Variants in EDARADD observed in about 807,000 individuals in gnomAD.
EDARADD encodes ectodysplasin-A receptor-associated adapter protein.
A neutral mutation model predicts 25.6 loss-of-function variants in EDARADD; 20 were observed. That is an observed-to-expected ratio of 0.78 (90% CI 0.55 to 1.14). The LOEUF (loss-of-function observed/expected upper bound fraction) is 1.14. Among genes scored for constraint, EDARADD ranks in the 50% most tolerant of loss-of-function variants. The pLI is 0.00. For synonymous variants in EDARADD, 86 were observed against 94.4 expected (o/e 0.91, Z 0.52); for missense variants, 225 against 270.1 (o/e 0.83, Z 1.17).
intron 1 of EDARADD, among the ~76,000 whole-genome samples, chr1:236,402,281 A>C (rs1165600963): frequency 6.6e-6 from 1 of 152,098 alleles, no homozygotes; most frequent in Non-Finnish European, 1.5e-5. Flanking sequence ...TTTAAATTTT[A>C]TTTTATTGGC....
intron 5 of EDARADD, among the ~76,000 whole-genome samples, chr1:236,474,963 T>C (rs1363587396): frequency 6.6e-6 from 1 of 152,084 alleles, no homozygotes; most frequent in East Asian, 1.9e-4. Flanking sequence ...TGAAACCTCG[T>C]CTCTATTAAA....
At chr1:236,376,380 C>A (rs1667226189) in intron 3 of EDARADD, among the ~76,000 whole-genome samples, 1 of 152,154 alleles carries the variant, frequency 6.6e-6, no homozygotes, top group Admixed American at 6.5e-5. Context: ...TTTTGTTTAT[C>A]CGAGAAGCTT....
At chr1:236,389,435 AT>A (rs1667394966), upstream of EDARADD, among the ~76,000 whole-genome samples, 1 of 152,152 alleles carries the variant, frequency 6.6e-6, no homozygotes, top group South Asian at 2.1e-4. Context: ...TGAGTAAACA[AT>A]TCAAAGTAAA....
Position 236,430,944 on chromosome 1 carries a change from C to A in EDARADD, c.219+3494C>A, listed in dbSNP as rs190069485. Among the ~76,000 whole-genome samples the A allele has an allele frequency of 7.6e-3, 1,162 of 152,168 alleles. 13 individuals are homozygous for A. The highest frequency in any genetic ancestry group is 0.027 in the African/African-American group (1,106 of 41,498). On this transcript the variant is annotated intron_variant, in intron 4 of 5. Coordinates refer to ENST00000334232, the MANE Select transcript of EDARADD (RefSeq NM_145861.4). The stretch of plus-strand genomic sequence containing the variant: ...CAGCCTGGCCAAGATGGTGAAACCC[C>A]GTCTCTACTAAAACTACAATAATTA...
chr1:236,377,306 C>A (rs1572115481), intron 3 of EDARADD, among the ~76,000 whole-genome samples: 1 of 150,360 alleles, frequency 6.7e-6, no homozygotes, highest in African/African-American at 2.4e-5. Flanking sequence ...CAGGGGCATG[C>A]CACCACACCC....
intron 1 of EDARADD, among the ~76,000 whole-genome samples, chr1:236,397,725 G>C (rs540034355): frequency 2.6e-5 from 4 of 152,288 alleles, no homozygotes; most frequent in African/African-American, 9.6e-5. Context: ...CTCCCCACCA[G>C]TTGGCAGAGG....
chr1:236,375,052 A>C (rs1026496027), intron 3 of EDARADD, among the ~76,000 whole-genome samples: 6 of 151,442 alleles, frequency 4.0e-5, no homozygotes, highest in Non-Finnish European at 8.8e-5. Context: ...CTTCTTTCTT[A>C]GTATATCTGT....
chr1:236,432,627 G>A (rs1030651471), intron 4 of EDARADD, among the ~76,000 whole-genome samples: 1 of 152,144 alleles, frequency 6.6e-6, no homozygotes, highest in Non-Finnish European at 1.5e-5. Context: ...GCTCATGCCT[G>A]TAATCCCAGC....
intron 4 of EDARADD, among the ~76,000 whole-genome samples, chr1:236,461,878 G>A (rs890728202): frequency 2.6e-5 from 4 of 152,284 alleles, no homozygotes; most frequent in East Asian, 1.9e-4. Flanking sequence ...CAAACTAAAC[G>A]TCCTGAAGAG....
At chr1:236,401,058 C>T (rs1296466490) in intron 1 of EDARADD, among the ~76,000 whole-genome samples, 1 of 151,898 alleles carries the variant, frequency 6.6e-6, no homozygotes, top group African/African-American at 2.4e-5. Flanking sequence ...ATTAGCTGGG[C>T]ACCTGTGATC....
intron 3 of EDARADD, among the ~76,000 whole-genome samples, chr1:236,377,835 C>CGGGT (rs1667244363): frequency 6.6e-6 from 1 of 151,226 alleles, no homozygotes; most frequent in Non-Finnish European, 1.5e-5. Context: ...TCCAGCCTCA[C>CGGGT]GACAGAGTGA....
chr1:236,391,715 CA>C (rs1189566512), upstream of EDARADD, among the ~76,000 whole-genome samples: 1 of 152,096 alleles, frequency 6.6e-6, no homozygotes, highest in African/African-American at 2.4e-5. Flanking sequence ...ATAAAATAAG[CA>C]AAAACATGTA....
At position 236,395,547 on chromosome 1, in the gene EDARADD, C is replaced by A. The variant is rs1004174490; in HGVS notation, c.61+1042C>A. Reference sequence around the variant, plus strand: ...GGCGCGTCGGAACCGCAGGACTTTTCATCCCCGTGGTCCCACGGTCCTCCC... The same window carrying A: ...GGCGCGTCGGAACCGCAGGACTTTTAATCCCCGTGGTCCCACGGTCCTCCC... On this transcript the variant is annotated intron_variant, in intron 1 of 5. Coordinates refer to ENST00000334232, the MANE Select transcript of EDARADD (RefSeq NM_145861.4). The surrounding 1 kb of genome is among the most constrained non-coding windows in gnomAD (Gnocchi z 6.9). The A allele has an allele frequency of 3.7e-5, 57 of 1,539,548 alleles. No individual in the cohort carries two copies. In the African/African-American group the frequency reaches 7.3e-4, roughly 20 times the overall value.
intron 2 of EDARADD, among the ~76,000 whole-genome samples, chr1:236,411,794 G>A (rs950904469): frequency 7.2e-5 from 11 of 151,936 alleles, no homozygotes; most frequent in African/African-American, 1.9e-4. Context: ...CAGGTGATCC[G>A]CCTGCCTTGG....
chr1:236,471,802 G>A (rs1017770179), intron 5 of EDARADD, among the ~76,000 whole-genome samples: 2 of 152,160 alleles, frequency 1.3e-5, no homozygotes, highest in African/African-American at 4.8e-5. Flanking sequence ...GAATGTGCAA[G>A]ATAAAAGGGC....
At chr1:236,468,936 C>T (rs1659288612) in intron 5 of EDARADD, among the ~76,000 whole-genome samples, 1 of 152,062 alleles carries the variant, frequency 6.6e-6, no homozygotes, top group Admixed American at 6.6e-5. Context: ...GTGGAAGGGA[C>T]CAGAAGCCAG....
chr1:236,405,836 T>C (rs1290822828), intron 1 of EDARADD, among the ~76,000 whole-genome samples: 5 of 32,904 alleles, frequency 1.5e-4, no homozygotes, highest in Admixed American at 1.2e-3. Flanking sequence ...CTTCCTTCCT[T>C]CCTTCCTTCC....
In EDARADD at chr1:236,398,754, G is replaced by A. The variant is rs191179253; in HGVS notation, c.61+4249G>A. Among the ~76,000 whole-genome samples the A allele has an allele frequency of 8.3e-4, 126 of 152,236 alleles. No homozygotes were observed. The highest frequency in any genetic ancestry group is 2.8e-3 in the African/African-American group (117 of 41,540). ...TCCAGATTTCAGCTCATAGGTCACCGGGATCCAGCCCGATGTTATACATGC... is the reference window on the plus strand; with the variant it reads ...TCCAGATTTCAGCTCATAGGTCACCAGGATCCAGCCCGATGTTATACATGC... On this transcript the variant is annotated intron_variant, in intron 1 of 5. Transcript: ENST00000334232. This position sits in a 1 kb window ranked among gnomAD's most constrained non-coding sequence, Gnocchi z 4.1.
chr1:236,442,873 T>C (rs1658437504), intron 4 of EDARADD, among the ~76,000 whole-genome samples: 1 of 152,228 alleles, frequency 6.6e-6, no homozygotes, highest in Non-Finnish European at 1.5e-5. Flanking sequence ...TTTGAATGTT[T>C]GTCCTCCCCA....
Sources: gnomAD v4.1 joint callset for allele counts (sites outside exome capture counted in the v4.1 genomes callset) on GRCh38, gnomAD v4.1.1 for gene constraint, Gnocchi (gnomAD v3.1) non-coding constraint, MANE v1.5 for transcripts, NCBI Gene and HGNC (gene_info 2026-07-23, HGNC 2026-07-21) for gene names.